The following SYNRG variants were observed in gnomAD, a reference collection of about 807,000 sequenced individuals.
The protein encoded by SYNRG is synergin gamma.
SYNRG carries 37 observed loss-of-function variants against 130.9 expected under a neutral mutation model. That is an observed-to-expected ratio of 0.28 (90% confidence interval 0.22 to 0.37). The LOEUF (loss-of-function observed/expected upper bound fraction) is 0.37. Ranked by LOEUF, SYNRG falls within the 10% of genes least tolerant of loss-of-function variation. The pLI is 1.00. For synonymous variants in SYNRG, 539 were observed against 568.1 expected (o/e 0.95, Z 0.73); for missense variants, 1,338 against 1,588.9 (o/e 0.84, Z 2.68).
chr17:37,590,996 C>T (rs1345431582), intron 3 of SYNRG, among the ~76,000 whole-genome samples: 1 of 151,982 alleles, frequency 6.6e-6, no homozygotes, highest in African/African-American at 2.4e-5. Context: ...AAGTATTTTT[C>T]AATTCTTTAA....
At chr17:37,569,428 AG>A (rs2060249534) in intron 10 of SYNRG, among the ~76,000 whole-genome samples, 1 of 150,326 alleles carries the variant, frequency 6.7e-6, no homozygotes, top group Non-Finnish European at 1.5e-5. Flanking sequence ...AAAAAAAAAA[AG>A]CTAATCTATA....
Position 37,538,367 on chromosome 17 carries a change from G to A in SYNRG, c.3474C>T (p.Cys1158=). The A allele has an allele frequency of 1.2e-6, 2 of 1,611,508 alleles. No individual in the cohort carries two copies. The highest frequency in any genetic ancestry group is 1.3e-5 in the African/African-American group (1 of 74,914). ...CTTGAGCTGACTGAATTACTTCTGTGCAAACAGAACTACTACTGATTCCAT... is the reference window on the plus strand; with the variant it reads ...CTTGAGCTGACTGAATTACTTCTGTACAAACAGAACTACTACTGATTCCAT... The part of the protein sequence containing the change: ...TLNGISSSSV[C]TEVIQSAQGM... Residue 1158 remains cysteine, a synonymous_variant, in exon 18 of 22, where the codon TGC becomes TGT. Transcript: ENST00000612223.
At chr17:37,529,538 C>CAAAAAAAA (rs3049513) in intron 19 of SYNRG, among the ~76,000 whole-genome samples, 1 of 124,626 alleles carries the variant, frequency 8.0e-6, no homozygotes, top group South Asian at 2.5e-4. Flanking sequence ...ATATATTTTA[C>CAAAAAAAA]AAAAAAAAAA....
chr17:37,587,164 A>G (rs2061755884), intron 3 of SYNRG, among the ~76,000 whole-genome samples: 1 of 152,168 alleles, frequency 6.6e-6, no homozygotes, highest in South Asian at 2.1e-4. Flanking sequence ...TTATGTTTTT[A>G]GAGACAGGGT....
intron 6 of SYNRG, chr17:37,579,362 C>T (rs1455214724): frequency 7.7e-7 from 1 of 1,304,128 alleles, no homozygotes; most frequent in Non-Finnish European, 1.0e-6. Context: ...CATAAAGTCA[C>T]TGAATTCTTC....
intron 21 of SYNRG, 69 bp downstream of exon 21, chr17:37,520,110 T>C: frequency 1.3e-6 from 2 of 1,530,616 alleles, no homozygotes. Flanking sequence ...ATGGATAGAA[T>C]CATCCAATTT....
chr17:37,560,200 T>C (rs141292533), intron 13 of SYNRG, among the ~76,000 whole-genome samples: 13 of 152,218 alleles, frequency 8.5e-5, no homozygotes, highest in African/African-American at 3.1e-4. Context: ...CATGAGCCAC[T>C]GTGCCTGGTA....
Position 37,516,982 on chromosome 17 carries a change from G to T in SYNRG, c.*1958C>A, listed in dbSNP as rs2054474464. The T allele has an allele frequency of 6.6e-6, 1 of 152,276 alleles. No individual in the cohort carries two copies. The highest frequency in any genetic ancestry group is 1.5e-5 in the Non-Finnish European group (1 of 68,092). The allele number at this position is 152,276 out of a possible 1,614,324, so 9.4% of individuals were successfully genotyped here. A position where few individuals can be genotyped will look rare whatever the true frequency, so the allele number is the denominator to read the frequency against. ...CGCCTGTAATCCCGGTACTTTGGGA[G>T]GCTGAGGCGGGCGGATCGCCTGAGG... On this transcript the variant is annotated 3_prime_UTR_variant, in exon 22 of 22. Transcript: ENST00000612223.
intron 1 of SYNRG, among the ~76,000 whole-genome samples, chr17:37,607,972 A>AC (rs983233775): frequency 0.16 from 22,635 of 144,432 alleles, 2,450 homozygotes; most frequent in East Asian, 0.51. Flanking sequence ...AAAAAAAAAA[A>AC]AAAAAAAACA....
intron 19 of SYNRG, among the ~76,000 whole-genome samples, 163 bp from the exon 20 acceptor site, chr17:37,520,811 G>A (rs1403110960): frequency 4.6e-5 from 7 of 152,044 alleles, no homozygotes; most frequent in Admixed American, 2.0e-4. Context: ...AACCTGCCAC[G>A]GTTCCAGGTG....
At chr17:37,590,560 G>A (rs898517185) in intron 3 of SYNRG, among the ~76,000 whole-genome samples, 6 of 152,138 alleles carry the variant, frequency 3.9e-5, no homozygotes, top group Non-Finnish European at 8.8e-5. Context: ...GGGTACATAC[G>A]TAAAATTTAA....
At position 37,522,571 on chromosome 17, in the gene SYNRG, A is replaced by G. The variant is rs572020847; in HGVS notation, c.3667-1923T>C. Among the ~76,000 whole-genome samples the G allele has an allele frequency of 2.5e-3, 381 of 150,872 alleles. 2 individuals carry two copies. The highest frequency in any genetic ancestry group is 8.9e-3 in the African/African-American group (366 of 41,038). On this transcript the variant is annotated intron_variant, in intron 19 of 21. Transcript: ENST00000612223. ...CAGCCTCCGCCTCCTGGGCTCAAGC[A>G]ATCCTCCCGCCTCAGCCTCCTGAGT...
intron 1 of SYNRG, among the ~76,000 whole-genome samples, chr17:37,606,714 A>G (rs998948289): frequency 3.9e-5 from 6 of 152,054 alleles, no homozygotes; most frequent in Admixed American, 6.5e-5. Context: ...CAACTCTACC[A>G]TTTATTCTAA....
In SYNRG at chr17:37,537,785, C is replaced by T. The variant is rs540049025; in HGVS notation, c.3517+539G>A. 2.0e-5 allele frequency among the ~76,000 whole-genome samples: 3 copies of T among 152,314 alleles called. No individual in the cohort carries two copies. The East Asian group carries it at 5.8e-4, about 29-fold the overall frequency. Reference sequence around the variant, plus strand: ...GAGATGGATGCTAGGAAAGATTTCACTCAGAAGCTGACATTTGAGTAAAGA... The same window carrying T: ...GAGATGGATGCTAGGAAAGATTTCATTCAGAAGCTGACATTTGAGTAAAGA... On this transcript the variant is annotated intron_variant, in intron 18 of 21. Transcript: ENST00000612223.
intron 13 of SYNRG, among the ~76,000 whole-genome samples, chr17:37,560,534 T>G (rs1193606051): frequency 6.6e-6 from 1 of 151,954 alleles, no homozygotes; most frequent in Non-Finnish European, 1.5e-5. Flanking sequence ...CGATGGGGTC[T>G]TACCATGTTG....
intron 6 of SYNRG, among the ~76,000 whole-genome samples, chr17:37,580,874 C>T (rs949173108): frequency 6.6e-6 from 1 of 151,666 alleles, no homozygotes; most frequent in Non-Finnish European, 1.5e-5. Flanking sequence ...TTCTCCATAT[C>T]GGCCAGGCTG....
intron 19 of SYNRG, among the ~76,000 whole-genome samples, chr17:37,533,218 T>C (rs887038896): frequency 5.3e-5 from 8 of 152,084 alleles, no homozygotes; most frequent in Non-Finnish European, 1.2e-4. Context: ...CTGGCCAAAA[T>C]GGCGAGACCC....
intron 15 of SYNRG, chr17:37,541,308 A>C: frequency 1.0e-6 from 1 of 963,258 alleles, no homozygotes; most frequent in Non-Finnish European, 1.2e-6. Flanking sequence ...GCCTTCAGAG[A>C]CCAGGCAAGT....
chr17:37,523,804 G>A (rs1165241106), intron 19 of SYNRG, among the ~76,000 whole-genome samples: 2 of 152,204 alleles, frequency 1.3e-5, no homozygotes, highest in Admixed American at 1.3e-4. Flanking sequence ...GGTCTAATGA[G>A]TATGACTGAA....
Sources: gnomAD v4.1 joint callset for allele counts (sites outside exome capture counted in the v4.1 genomes callset) on GRCh38, gnomAD v4.1.1 for gene constraint, MANE v1.5 for transcripts, NCBI Gene and HGNC (gene_info 2026-07-23, HGNC 2026-07-21) for gene names.